Variants in CXCL12 observed in about 807,000 individuals in gnomAD.
The protein encoded by CXCL12 is stromal cell-derived factor 1.
CXCL12 carries 4 observed loss-of-function variants against 10.7 expected under a neutral mutation model. The ratio of observed to expected loss-of-function variants is 0.37; its 90% CI spans 0.18 to 0.86. The LOEUF is 0.86. Ranked by LOEUF, CXCL12 falls within the 40% of genes least tolerant of loss-of-function variation. CXCL12 has a pLI of 0.43. For synonymous variants in CXCL12, 54 were observed against 45.4 expected, an observed-to-expected ratio of 1.19 and a Z score of -0.77; for missense variants, 122 against 110.4, an observed-to-expected ratio of 1.10 and a Z score of -0.47.
At position 44,378,260 on chromosome 10, in the gene CXCL12, G is replaced by A. The variant is rs772338098; in HGVS notation, c.*373C>T. On this transcript the variant is annotated 3_prime_UTR_variant, in exon 3 of 3. Transcript: ENST00000343575. ...TCCAAACAAGCCAAATTCAGATCTT[G>A]AAGTACTCGTTGATTTAAAAAATGA... 6.8e-7 allele frequency: 1 copy of A among 1,465,570 alleles called. No individual in the cohort carries two copies. The highest frequency in any genetic ancestry group is 1.2e-5 in the South Asian group (1 of 86,728). The allele number at this position is 1,465,570 out of a possible 1,614,324, so 90.8% of individuals were successfully genotyped here.
rs1839483677 is a variant in CXCL12 at position 44,377,281 on chromosome 10, T to G, written c.*1352A>C. The G allele has an allele frequency of 1.0e-6, 1 of 996,730 alleles. No homozygotes were observed. Among genetic ancestry groups the G allele is most frequent in the Non-Finnish European group, 1.2e-6 (1 of 836,610 alleles). The allele number at this position is 996,730 out of a possible 1,614,324, so 61.7% of individuals were successfully genotyped here. On this transcript the variant is annotated 3_prime_UTR_variant, in exon 3 of 3. Transcript: ENST00000343575. ...TATATATTTCTTTACAAATTGCCAGTAGTTTGAGATAATAGAGAAGTATAA... is the reference window on the plus strand; with the variant it reads ...TATATATTTCTTTACAAATTGCCAGGAGTTTGAGATAATAGAGAAGTATAA...
chr10:44,378,231 A>G lies in CXCL12; in HGVS notation c.*402T>C, dbSNP rs777882359. 7 of 1,457,024 alleles carry G rather than the reference A, an allele frequency of 4.8e-6. No homozygotes were observed. The African/African-American group carries it at 9.7e-5, about 20-fold the overall frequency. 90.3% of individuals were successfully genotyped at this position (1,457,024 alleles called of 1,614,324 possible). On this transcript the variant is annotated 3_prime_UTR_variant, in exon 3 of 3. Transcript: ENST00000343575. ...CAGACTCCCCAGGGGAGCAGAGGAGATGCTCCAAACAAGCCAAATTCAGAT... is the reference window on the plus strand; with the variant it reads ...CAGACTCCCCAGGGGAGCAGAGGAGGTGCTCCAAACAAGCCAAATTCAGAT...
At position 44,385,034 on chromosome 10, in the gene CXCL12, C is replaced by T. The variant is rs543695029; in HGVS notation, c.-29G>A. 35 of 1,436,522 alleles carry T rather than the reference C, an allele frequency of 2.4e-5. No individual in the cohort carries two copies. Among genetic ancestry groups the T allele is most frequent in the Non-Finnish European group, 3.0e-5 (33 of 1,084,332 alleles). 89.0% of individuals were successfully genotyped at this position (1,436,522 alleles called of 1,614,324 possible). On this transcript the variant is annotated 5_prime_UTR_variant, in exon 1 of 3. Transcript: ENST00000343575. ...GCGGGCGGGCGGGCGGGCGGGCGGA[C>T]GAGCGCGGGTCGGGGGCCGGACGCC...
downstream of CXCL12, among the ~76,000 whole-genome samples, chr10:44,376,833 AAGG>A (rs1839467200): frequency 6.6e-6 from 1 of 151,556 alleles, no homozygotes; most frequent in Non-Finnish European, 1.5e-5. Flanking sequence ...TAGGAGAACC[AAGG>A]AGGAGGAGGG....
intron 1 of CXCL12, among the ~76,000 whole-genome samples, chr10:44,383,007 C>T (rs1056693998): frequency 7.2e-5 from 11 of 152,298 alleles, no homozygotes; most frequent in African/African-American, 4.8e-5. Context: ...AGAAAGCCCT[C>T]CAGTCTAATG....
chr10:44,383,609 CGGGGG>C lies in CXCL12; in HGVS notation c.61+1331_61+1335del, dbSNP rs60154270. 4.4e-3 allele frequency among the ~76,000 whole-genome samples: 80 copies of C among 18,248 alleles called. 9 individuals are homozygous for C. The highest frequency in any genetic ancestry group is 2.9e-3 in the Admixed American group (4 of 1,400). The allele number at this position is 18,248 out of a possible 152,430, so 12.0% of individuals were successfully genotyped here. A position where few individuals can be genotyped will look rare whatever the true frequency, so the allele number is the denominator to read the frequency against. On this transcript the variant is annotated intron_variant, in intron 1 of 2. Transcript: ENST00000343575. ...AACTAGAAACATGCCCCATGACTTG[CGGGGG>C]GGGGGGGGGGTCAGTGTGCAGACAC...
In CXCL12 at chr10:44,384,113, T is replaced by C. The variant is rs533871472; in HGVS notation, c.61+832A>G. On this transcript the variant is annotated intron_variant, in intron 1 of 2. Transcript: ENST00000343575. ...GCCCAGGGCCTTGGAGATTGAACTTTGCTGCAGCTCTCATTCTGGGGCAAA... is the reference window on the plus strand; with the variant it reads ...GCCCAGGGCCTTGGAGATTGAACTTCGCTGCAGCTCTCATTCTGGGGCAAA... Among the ~76,000 whole-genome samples the C allele has an allele frequency of 2.6e-5, 4 of 152,308 alleles. No individual in the cohort carries two copies. The East Asian group carries it at 7.7e-4, about 29-fold the overall frequency.
At chr10:44,373,513 G>A (rs2132036893), downstream of CXCL12, among the ~76,000 whole-genome samples, 1 of 152,364 alleles carries the variant, frequency 6.6e-6, no homozygotes, top group Middle Eastern at 3.4e-3. Flanking sequence ...GACGGGAGGG[G>A]AGTGCGAGAC....
At chr10:44,374,487 C>G (rs1366917163), downstream of CXCL12, 1 of 456,048 alleles carries the variant, frequency 2.2e-6, no homozygotes, top group South Asian at 1.5e-5. Flanking sequence ...ACCCCTGTAC[C>G]CAGGGCTCAG....
intron 2 of CXCL12, chr10:44,380,423 C>T (rs561889952): frequency 4.9e-5 from 12 of 245,162 alleles, no homozygotes; most frequent in Admixed American, 4.8e-4. Context: ...CTGTTATTAG[C>T]TAAGGGCTGG....
At chr10:44,384,289 C>T (rs1359900754) in intron 1 of CXCL12, among the ~76,000 whole-genome samples, 1 of 152,122 alleles carries the variant, frequency 6.6e-6, no homozygotes, top group Non-Finnish European at 1.5e-5. Context: ...CGCCCAGGTC[C>T]GCGTCGCTGC....
Position 44,378,668 on chromosome 10 carries a change from T to A in CXCL12, c.235A>T (p.Ile79Phe), listed in dbSNP as rs761253405. Residue 79 changes from isoleucine to phenylalanine, a missense_variant, in exon 3 of 3, where the codon ATT (isoleucine) becomes TTT (phenylalanine). Transcript: ENST00000343575. ...AAAGCTTTCTCCAGGTACTCCTGAA[T>A]CCACTTTAGCTTCGGGTCAATGCAC... ...QVCIDPKLKW[I>F]QEYLEKALNK 2 of 1,614,234 alleles carry A rather than the reference T, an allele frequency of 1.2e-6. No individual in the cohort carries two copies. The highest frequency in any genetic ancestry group is 8.5e-7 in the Non-Finnish European group (1 of 1,180,044).
At chr10:44,370,498 A>G (rs1447045414) in exon 4 of CXCL12, 1 of 152,266 alleles carries the variant, frequency 6.6e-6, no homozygotes, top group Non-Finnish European at 1.5e-5. Context: ...TCTAGGGAAT[A>G]TTTCCCAGGA....
rs942253070 is a variant in CXCL12 at position 44,378,512 on chromosome 10, A to C, written c.*121T>G. 3.9e-6 allele frequency: 6 copies of C among 1,545,530 alleles called. No homozygotes were observed. Among genetic ancestry groups the C allele is most frequent in the South Asian group, 1.2e-5 (1 of 82,958 alleles). On this transcript the variant is annotated 3_prime_UTR_variant, in exon 3 of 3. Transcript: ENST00000343575. Reference sequence around the variant, plus strand: ...GATCCCAGATCAATGTGCCCACCCCACACACACACCTGGTCCTCATGGTTA... The same window carrying C: ...GATCCCAGATCAATGTGCCCACCCCCCACACACACCTGGTCCTCATGGTTA...
chr10:44,378,577 AAG>A lies in CXCL12; in HGVS notation c.*54_*55del. The A allele has an allele frequency of 4.3e-6, 7 of 1,612,056 alleles. No homozygotes were observed. The highest frequency in any genetic ancestry group is 5.1e-6 in the Non-Finnish European group (6 of 1,178,724). On this transcript the variant is annotated 3_prime_UTR_variant, in exon 3 of 3. Coordinates refer to ENST00000343575, the MANE Select transcript of CXCL12 (RefSeq NM_199168.4). ...ACGTCTTTGCCCTTTCATCTCTCAC[AAG>A]GTTTTAGTTTTCCTCGAGTGGGTCT...
chr10:44,375,328 G>A (rs902271012), downstream of CXCL12, among the ~76,000 whole-genome samples: 1 of 152,220 alleles, frequency 6.6e-6, no homozygotes, highest in Non-Finnish European at 1.5e-5. Flanking sequence ...CAGGAAGGAG[G>A]GGCTGAAGAA....
Position 44,377,515 on chromosome 10 carries a change from G to A in CXCL12, c.*1118C>T, listed in dbSNP as rs1426277842. On this transcript the variant is annotated 3_prime_UTR_variant, in exon 3 of 3. Coordinates refer to ENST00000343575, the MANE Select transcript of CXCL12 (RefSeq NM_199168.4). ...GAAATGTCACCTTGCCAACAGTTCT[G>A]ATTGGAACCTGAAACCCTGCTGTGG... 1.4e-6 allele frequency: 2 copies of A among 1,401,782 alleles called. No individual in the cohort carries two copies. The highest frequency in any genetic ancestry group is 1.8e-6 in the Non-Finnish European group (2 of 1,082,682). The allele number at this position is 1,401,782 out of a possible 1,614,324, so 86.8% of individuals were successfully genotyped here. A position where few individuals can be genotyped will look rare whatever the true frequency, so the allele number is the denominator to read the frequency against.
downstream of CXCL12, chr10:44,372,927 G>A: frequency 1.3e-6 from 2 of 1,535,960 alleles, no homozygotes; most frequent in Non-Finnish European, 1.7e-6. Flanking sequence ...GCACCCCCAG[G>A]CGTCCCTCTT....
downstream of CXCL12, chr10:44,374,386 G>C (rs1416516235): frequency 4.4e-6 from 2 of 451,568 alleles, no homozygotes; most frequent in Non-Finnish European, 8.9e-6. Context: ...GACTAGAGTG[G>C]CTACTGGCTT....
Sources: gnomAD v4.1 joint callset for allele counts (sites outside exome capture counted in the v4.1 genomes callset) on GRCh38, gnomAD v4.1.1 for gene constraint, MANE v1.5 for transcripts, NCBI Gene and HGNC (gene_info 2026-07-23, HGNC 2026-07-21) for gene names.